The following SLC4A7 variants were observed in gnomAD, a reference collection of about 807,000 sequenced individuals.
The protein encoded by SLC4A7 is solute carrier family 4 member 7.
Under a neutral mutation model 137.6 loss-of-function variants are expected in SLC4A7, and 51 were observed. That is an observed-to-expected ratio of 0.37 (90% confidence interval 0.30 to 0.47). SLC4A7 has a LOEUF of 0.47. Among genes scored for constraint, SLC4A7 ranks in the 20% least tolerant of loss-of-function variants. SLC4A7 has a pLI of 1.00. For synonymous variants in SLC4A7, 542 were observed against 518.6 expected, an observed-to-expected ratio of 1.05 and a Z score of -0.61; for missense variants, 1,247 against 1,525.4, an observed-to-expected ratio of 0.82 and a Z score of 3.04.
chr3:27,425,696 A>G (rs2055532034), intron 7 of SLC4A7, among the ~76,000 whole-genome samples: 1 of 150,490 alleles, frequency 6.6e-6, no homozygotes, highest in Non-Finnish European at 1.5e-5. Context: ...AAAAAAAAAA[A>G]AAAAAAAAAA....
At chr3:27,451,288 TTTAAC>T (rs1559803644) in intron 2 of SLC4A7, among the ~76,000 whole-genome samples, 3 of 152,000 alleles carry the variant, frequency 2.0e-5, no homozygotes, top group African/African-American at 4.8e-5. Flanking sequence ...CACAGAAGAG[TTTAAC>T]TTAAGGATGT....
At chr3:27,409,554 T>C (rs1446650589) in intron 12 of SLC4A7, 24 bp from the exon 13 acceptor site, 1 of 1,594,052 alleles carries the variant, frequency 6.3e-7, no homozygotes, top group Non-Finnish European at 8.6e-7. Flanking sequence ...ATGAAACTCG[T>C]CAAACTGTAC....
chr3:27,398,121 TGAAATAAACCAAG>T, intron 17 of SLC4A7, 58 bp downstream of exon 17: 1 of 1,112,292 alleles, frequency 9.0e-7, no homozygotes, highest in Non-Finnish European at 1.3e-6. Context: ...ATTACTGTTT[TGAAATAAACCAAG>T]GAAATAAAAA....
chr3:27,411,644 T>A lies in SLC4A7; in HGVS notation c.1764A>T (p.Gly588=), dbSNP rs141117841. The A allele has an allele frequency of 8.5e-6, 13 of 1,523,414 alleles. No individual in the cohort carries two copies. The highest frequency in any genetic ancestry group is 1.2e-5 in the Non-Finnish European group (13 of 1,125,238). The allele number at this position is 1,523,414 out of a possible 1,614,324, so 94.4% of individuals were successfully genotyped here. The change falls in exon 12 of 26, where the codon GGA becomes GGT. Residue 588 remains glycine, a splice_region_variant and synonymous_variant. Transcript: ENST00000454389. ...AAAATATCAGTATTTGCACCCACCGTCCAGTCCTCTGTAGCTCAGGCCCAG... is the reference window on the plus strand; with the variant it reads ...AAAATATCAGTATTTGCACCCACCGACCAGTCCTCTGTAGCTCAGGCCCAG... The part of the protein sequence containing the change: ...HHAGPELQRT[G]RLFGGLILDI...
At position 27,401,564 on chromosome 3, in the gene SLC4A7, C is replaced by T. The variant is rs868024343; in HGVS notation, c.2322-695G>A. 3.3e-5 allele frequency among the ~76,000 whole-genome samples: 5 copies of T among 152,252 alleles called. No individual in the cohort carries two copies. The South Asian group carries it at 1.0e-3, about 32-fold the overall frequency. ...AAGGCAAGAAGACAGACTTTGGAGTCCATCCAGGCGCTTTTAGTAGATGAC... is the reference window on the plus strand; with the variant it reads ...AAGGCAAGAAGACAGACTTTGGAGTTCATCCAGGCGCTTTTAGTAGATGAC... On this transcript the variant is annotated intron_variant, in intron 15 of 25. Coordinates refer to ENST00000454389, the MANE Select transcript of SLC4A7 (RefSeq NM_001321103.2).
chr3:27,418,424 C>G, intron 11 of SLC4A7, 62 bp downstream of exon 11: 2 of 1,408,816 alleles, frequency 1.4e-6, no homozygotes, highest in Non-Finnish European at 1.9e-6. Flanking sequence ...TGAATCACAC[C>G]TAATCAAAAA....
At chr3:27,442,671 A>G (rs2057293155) in intron 3 of SLC4A7, among the ~76,000 whole-genome samples, 1 of 152,144 alleles carries the variant, frequency 6.6e-6, no homozygotes, top group Non-Finnish European at 1.5e-5. Flanking sequence ...TTCGCCTCCC[A>G]AAGTGCTGGT....
At chr3:27,452,597 C>T in intron 1 of SLC4A7, 99 bp from the exon 2 acceptor site, 1 of 623,150 alleles carries the variant, frequency 1.6e-6, no homozygotes, top group Non-Finnish European at 2.6e-6. Flanking sequence ...AAACAGACTG[C>T]TTTCTCTCAA....
rs1305743063 is a variant in SLC4A7, at chr3:27,429,198, G to A, written c.1150+2100C>T. 4.0e-5 allele frequency among the ~76,000 whole-genome samples: 6 copies of A among 151,134 alleles called. No individual in the cohort carries two copies. The South Asian group carries it at 6.3e-4, about 16-fold the overall frequency. ...GGAGAATCACTTGAACCCGGGAGGC[G>A]GAGGTTGCAGTAAGCCGAGATCACA... On this transcript the variant is annotated intron_variant, in intron 7 of 25. Coordinates refer to ENST00000454389, the MANE Select transcript of SLC4A7 (RefSeq NM_001321103.2).
chr3:27,453,664 C>A (rs765183473), intron 1 of SLC4A7, among the ~76,000 whole-genome samples: 30 of 152,180 alleles, frequency 2.0e-4, no homozygotes, highest in Non-Finnish European at 3.8e-4. Context: ...TATGGAAACC[C>A]TCGGTGTCCA....
At chr3:27,468,469 G>A (rs1244224152) in intron 1 of SLC4A7, among the ~76,000 whole-genome samples, 2 of 152,190 alleles carry the variant, frequency 1.3e-5, no homozygotes, top group East Asian at 3.8e-4. Flanking sequence ...TCAGTCAAGA[G>A]ACTGAGGTGG....
chr3:27,452,230 T>C (rs779788170), intron 2 of SLC4A7, among the ~76,000 whole-genome samples, 187 bp downstream of exon 2: 2 of 152,132 alleles, frequency 1.3e-5, no homozygotes, highest in African/African-American at 4.8e-5. Context: ...TCACTAAATT[T>C]TGAGAAGCAT....
chr3:27,376,777 T>G lies in SLC4A7; in HGVS notation c.3767A>C (p.Glu1256Ala). ...DEPRKKYVDA[E>A]TSL ...CTTGGTTCAATTCTATAATGAAGTT[T>G]CAGCATCCACGTATTTCTTTCTTGG... Residue 1256 changes from glutamate to alanine, a missense_variant, in exon 26 of 26, where the codon GAA (glutamate) becomes GCA (alanine). Transcript: ENST00000454389. 1 of 1,594,650 alleles carries G rather than the reference T, an allele frequency of 6.3e-7. No homozygotes were observed. Among genetic ancestry groups the G allele is most frequent in the Non-Finnish European group, 8.6e-7 (1 of 1,166,874 alleles).
chr3:27,422,503 A>C (rs2055088072), intron 8 of SLC4A7, among the ~76,000 whole-genome samples: 1 of 152,122 alleles, frequency 6.6e-6, no homozygotes, highest in Non-Finnish European at 1.5e-5. Flanking sequence ...ACTCCTGGCC[A>C]AGTGATTCTC....
chr3:27,436,638 GAAA>G, intron 4 of SLC4A7, 90 bp from the exon 5 acceptor site: 26 of 593,226 alleles, frequency 4.4e-5, no homozygotes, highest in South Asian at 2.4e-4. Flanking sequence ...GTTCTTTAAA[GAAA>G]AAAAAAAAAG....
intron 5 of SLC4A7, among the ~76,000 whole-genome samples, chr3:27,434,612 A>C (rs2056591821): frequency 6.6e-6 from 1 of 152,180 alleles, no homozygotes; most frequent in South Asian, 2.1e-4. Context: ...AGAAACCAAC[A>C]TACAAACAGA....
chr3:27,428,511 G>T (rs879775765), intron 7 of SLC4A7, among the ~76,000 whole-genome samples: 30 of 151,966 alleles, frequency 2.0e-4, no homozygotes, highest in Non-Finnish European at 1.9e-4. Flanking sequence ...ATCCTTTTTT[G>T]CAACTACAAT....
At chr3:27,449,212 T>C (rs891763388) in intron 2 of SLC4A7, among the ~76,000 whole-genome samples, 8 of 151,976 alleles carry the variant, frequency 5.3e-5, no homozygotes, top group Admixed American at 4.6e-4. Context: ...AAAAGATATC[T>C]TAAGAAAGAA....
chr3:27,466,323 C>A (rs1256855652), intron 1 of SLC4A7, among the ~76,000 whole-genome samples: 1 of 151,836 alleles, frequency 6.6e-6, no homozygotes, highest in Non-Finnish European at 1.5e-5. Flanking sequence ...AGGTGGTGGG[C>A]ACCTGTAGTC....
Sources: allele counts gnomAD v4.1 joint callset (sites outside exome capture counted in the v4.1 genomes callset), GRCh38; gene constraint gnomAD v4.1.1; transcripts MANE v1.5; gene names NCBI Gene and HGNC (gene_info 2026-07-23, HGNC 2026-07-21).